RMDN2: variants seen among roughly 807,000 people sequenced by gnomAD.
RMDN2 encodes regulator of microtubule dynamics 2.
A neutral mutation model predicts 52.8 loss-of-function variants in RMDN2; 61 were observed. The observed-to-expected ratio is 1.16, with a 90% CI of 0.94 to 1.43. RMDN2 has a LOEUF of 1.43. Ranked by LOEUF, RMDN2 falls within the 40% of genes most tolerant of loss-of-function variation. The probability of loss-of-function intolerance (pLI) is 0.00; values close to 1 mark genes in which losing one functional copy is unlikely to be tolerated. For synonymous variants in RMDN2, 180 were observed against 153.1 expected, an observed-to-expected ratio of 1.18 and a Z score of -1.30; for missense variants, 592 against 475.3, an observed-to-expected ratio of 1.25 and a Z score of -2.28.
chr2:38,022,405 A>G (rs1679455508), downstream of RMDN2, among the ~76,000 whole-genome samples: 1 of 152,224 alleles, frequency 6.6e-6, no homozygotes, highest in Non-Finnish European at 1.5e-5. Context: ...GAATAGCTGC[A>G]GAGTGTTCCT....
intron 2 of RMDN2, among the ~76,000 whole-genome samples, chr2:37,963,760 C>A (rs1008983565): frequency 6.6e-6 from 1 of 152,216 alleles, no homozygotes; most frequent in Non-Finnish European, 1.5e-5. Flanking sequence ...TATCTTTTCC[C>A]CACATTTCCC....
chr2:37,961,418 T>C (rs556373811), intron 2 of RMDN2, among the ~76,000 whole-genome samples: 3 of 152,062 alleles, frequency 2.0e-5, no homozygotes, highest in African/African-American at 7.2e-5. Flanking sequence ...ATCTTGTCTT[T>C]ACAATTTATT....
intron 2 of RMDN2, among the ~76,000 whole-genome samples, chr2:37,932,005 C>G (rs980328656): frequency 1.3e-5 from 2 of 152,038 alleles, no homozygotes; most frequent in African/African-American, 2.4e-5. Context: ...AGCAGACAAA[C>G]AGTTTGGATT....
intron 2 of RMDN2, among the ~76,000 whole-genome samples, chr2:37,932,043 A>T (rs190767263): frequency 2.0e-5 from 3 of 152,114 alleles, no homozygotes; most frequent in East Asian, 1.9e-4. Context: ...AGATACAAAA[A>T]ATTTATTTAT....
intron 2 of RMDN2, among the ~76,000 whole-genome samples, chr2:37,948,877 C>G (rs1179855388): frequency 6.6e-6 from 1 of 152,052 alleles, no homozygotes; most frequent in African/African-American, 2.4e-5. Context: ...CAGTGATTGA[C>G]AGTGTTGAGA....
At chr2:37,947,269 C>T (rs537858729) in intron 2 of RMDN2, among the ~76,000 whole-genome samples, 2 of 151,978 alleles carry the variant, frequency 1.3e-5, no homozygotes, top group African/African-American at 4.8e-5. Context: ...TTATTTAGTT[C>T]CTACTTATGA....
chr2:38,021,226 T>A (rs899681035), downstream of RMDN2, among the ~76,000 whole-genome samples: 1 of 152,106 alleles, frequency 6.6e-6, no homozygotes, highest in Non-Finnish European at 1.5e-5. Context: ...TCAGGGATTG[T>A]AAACACGCCA....
intron 2 of RMDN2, among the ~76,000 whole-genome samples, chr2:37,972,520 G>C (rs557519377): frequency 8.1e-4 from 124 of 152,298 alleles, no homozygotes; most frequent in African/African-American, 3.0e-3. Flanking sequence ...AGGCCTTGTA[G>C]ACCCCTGAAA....
At chr2:37,923,313 C>T (rs1232782941), upstream of RMDN2, 1 of 152,132 alleles carries the variant, frequency 6.6e-6, no homozygotes, top group Non-Finnish European at 1.5e-5. Flanking sequence ...AGTCTATGTC[C>T]TGAACCTGAA....
chr2:38,008,879 A>T (rs1329678904), intron 10 of RMDN2, among the ~76,000 whole-genome samples: 2 of 151,916 alleles, frequency 1.3e-5, no homozygotes, highest in Non-Finnish European at 2.9e-5. Context: ...TTCCTTCAGG[A>T]GCTCTTTTAG....
chr2:37,986,899 G>T (rs899723333), intron 5 of RMDN2, among the ~76,000 whole-genome samples: 17 of 151,994 alleles, frequency 1.1e-4, no homozygotes, highest in Non-Finnish European at 2.9e-5. Flanking sequence ...TCCCACCATT[G>T]AGAAACTAAG....
In RMDN2 at chr2:37,951,116, T is replaced by G. The variant is rs1668724014; in HGVS notation, c.452+21387T>G. 16 of 979,694 alleles carry G rather than the reference T, an allele frequency of 1.6e-5. No individual in the cohort carries two copies. In the South Asian group the frequency reaches 2.3e-4, roughly 14 times the overall value. The allele number at this position is 979,694 out of a possible 1,614,324, so 60.7% of individuals were successfully genotyped here. On this transcript the variant is annotated intron_variant, in intron 2 of 10. Coordinates refer to ENST00000354545, the MANE Select transcript of RMDN2 (RefSeq NM_001170791.3). ...ATTCCCTGCTGTTTTCATATTAGTATGGAAACAATACCAATTGGTGGACAC... is the reference window on the plus strand; with the variant it reads ...ATTCCCTGCTGTTTTCATATTAGTAGGGAAACAATACCAATTGGTGGACAC...
chr2:38,066,002 G>T (rs935631559), intron 10 of RMDN2, among the ~76,000 whole-genome samples: 3 of 152,060 alleles, frequency 2.0e-5, no homozygotes, highest in Admixed American at 1.3e-4. Context: ...AAAAATAGAC[G>T]GACTACCCTA....
intron 8 of RMDN2, among the ~76,000 whole-genome samples, chr2:37,998,815 A>G (rs1423793745): frequency 4.6e-5 from 7 of 152,188 alleles, no homozygotes; most frequent in South Asian, 2.1e-4. Context: ...AAGGGAGTCA[A>G]TACCTCAGGA....
At chr2:38,004,452 C>T (rs1221256002) in intron 10 of RMDN2, among the ~76,000 whole-genome samples, 3 of 152,110 alleles carry the variant, frequency 2.0e-5, no homozygotes, top group South Asian at 2.1e-4. Context: ...ACACATTCAT[C>T]GCCTCACATA....
At chr2:37,949,494 G>T (rs1220058363) in intron 2 of RMDN2, among the ~76,000 whole-genome samples, 1 of 152,174 alleles carries the variant, frequency 6.6e-6, no homozygotes, top group Non-Finnish European at 1.5e-5. Flanking sequence ...TTGCTATGCT[G>T]TAAGTAACAT....
chr2:38,017,972 C>A (rs57749397), downstream of RMDN2, among the ~76,000 whole-genome samples: 2 of 152,114 alleles, frequency 1.3e-5, no homozygotes, highest in Non-Finnish European at 2.9e-5. Context: ...ATTGCAGGAG[C>A]TTTTGAGCCA....
chr2:38,020,918 C>T (rs926603180), downstream of RMDN2, among the ~76,000 whole-genome samples: 34 of 152,216 alleles, frequency 2.2e-4, no homozygotes, highest in Non-Finnish European at 4.0e-4. Flanking sequence ...GATTGGCAGG[C>T]AGCTCCACCT....
intron 2 of RMDN2, chr2:37,950,665 T>C (rs1668666794): frequency 6.9e-7 from 1 of 1,454,178 alleles, no homozygotes; most frequent in East Asian, 2.3e-5. Flanking sequence ...GAAGCTTTAG[T>C]GCTCTCCTTT....
Sources: gnomAD v4.1 joint callset for allele counts (sites outside exome capture counted in the v4.1 genomes callset) on GRCh38, gnomAD v4.1.1 for gene constraint, MANE v1.5 for transcripts, NCBI Gene and HGNC (gene_info 2026-07-23, HGNC 2026-07-21) for gene names.